The following NACC2 variants were observed in gnomAD, a reference collection of about 807,000 sequenced individuals.
The protein encoded by NACC2 is NACC family member 2.
Under a neutral mutation model 25.1 loss-of-function variants are expected in NACC2, and 8 were observed. The ratio of observed to expected loss-of-function variants is 0.32; its 90% CI spans 0.19 to 0.57. The LOEUF (loss-of-function observed/expected upper bound fraction) is 0.57. Ranked by LOEUF, NACC2 falls within the 20% of genes least tolerant of loss-of-function variation. NACC2 has a pLI of 0.89. For synonymous variants in NACC2, 435 were observed against 294.7 expected (o/e 1.48, Z -4.88); for missense variants, 644 against 650.2 (o/e 0.99, Z 0.10).
chr9:136,087,367 G>T, intron 1 of NACC2, among the ~76,000 whole-genome samples: 1 of 152,304 alleles, frequency 6.6e-6, no homozygotes, highest in South Asian at 2.1e-4. Flanking sequence ...CAGGGTGCTG[G>T]AAAAGCCCCT....
chr9:136,019,964 A>G lies in NACC2; in HGVS notation c.887-3535T>C, dbSNP rs1234540332. Among the ~76,000 whole-genome samples, 1 of 135,008 alleles carries G rather than the reference A, an allele frequency of 7.4e-6. No homozygotes were observed. Among genetic ancestry groups the G allele is most frequent in the Non-Finnish European group, 1.6e-5 (1 of 63,202 alleles). 88.6% of individuals were successfully genotyped at this position (135,008 alleles called of 152,430 possible). On this transcript the variant is annotated intron_variant, in intron 2 of 5. Coordinates refer to ENST00000277554, the MANE Select transcript of NACC2 (RefSeq NM_144653.5). This position sits in a 1 kb window ranked among gnomAD's most constrained non-coding sequence, Gnocchi z 5.2. ...GCCCCCAGAGTCGTCAGGTCCACAG[A>G]GGCGGGAAACAGAGGGTGGGTGCCG...
chr9:136,031,372 C>T (rs1015595920), intron 2 of NACC2, among the ~76,000 whole-genome samples: 1 of 138,714 alleles, frequency 7.2e-6, no homozygotes, highest in African/African-American at 2.5e-5. Context: ...GAGTCTTGCT[C>T]CATCACCCAG....
Position 136,016,318 on chromosome 9 carries a change from T to C in NACC2, c.998A>G (p.His333Arg). The C allele has an allele frequency of 6.2e-7, 1 of 1,612,720 alleles. No individual in the cohort carries two copies. Among genetic ancestry groups the C allele is most frequent in the Non-Finnish European group, 8.5e-7 (1 of 1,179,988 alleles). The change falls in exon 3 of 6, where the codon CAT becomes CGT. Residue 333 changes from histidine to arginine, a missense_variant. His to Arg is a conservative substitution (Grantham distance 29). Coordinates refer to ENST00000277554, the MANE Select transcript of NACC2 (RefSeq NM_144653.5). ...GTCCCCTTCCGAGTAGAGCTTGGGA[T>C]GGCAGCGGTATCCGATCTGGCTGAT... Reference protein sequence around the residue: ...SLISQIGYRCHPKLYSEGDPG... With the variant: ...SLISQIGYRCRPKLYSEGDPG...
At chr9:136,041,632 A>G (rs1490758961) in intron 2 of NACC2, among the ~76,000 whole-genome samples, 1 of 152,186 alleles carries the variant, frequency 6.6e-6, no homozygotes, top group African/African-American at 2.4e-5. Context: ...GCCAAATGCC[A>G]AGGGGTTTCT....
At chr9:136,038,372 CA>C (rs1280035327) in intron 2 of NACC2, among the ~76,000 whole-genome samples, 2 of 151,808 alleles carry the variant, frequency 1.3e-5, no homozygotes. Flanking sequence ...CCTGTCTCTA[CA>C]AAAAAAATCC....
intron 2 of NACC2, among the ~76,000 whole-genome samples, chr9:136,044,452 A>G (rs940722206): frequency 1.3e-5 from 2 of 151,630 alleles, no homozygotes; most frequent in East Asian, 3.9e-4. Context: ...AAGCAGAAGG[A>G]ACCCTTCACC....
chr9:136,082,272 G>A (rs1830332001), intron 1 of NACC2, among the ~76,000 whole-genome samples: 1 of 152,222 alleles, frequency 6.6e-6, no homozygotes, highest in South Asian at 2.1e-4. Flanking sequence ...AGGGGGCGGG[G>A]AGCCTCAGGT....
chr9:136,016,598 G>A (rs1407914258), intron 2 of NACC2, among the ~76,000 whole-genome samples, 169 bp from the exon 3 acceptor site: 2 of 152,178 alleles, frequency 1.3e-5, no homozygotes, highest in African/African-American at 4.8e-5. Context: ...GGGTCAGACT[G>A]GCTTCAGCCT....
At chr9:136,078,347 A>G (rs1830284914) in intron 1 of NACC2, among the ~76,000 whole-genome samples, 1 of 152,218 alleles carries the variant, frequency 6.6e-6, no homozygotes, top group Non-Finnish European at 1.5e-5. Flanking sequence ...GGACAGGCAC[A>G]TCTGGGGGCA....
chr9:136,050,806 C>A (rs973189762), intron 1 of NACC2, among the ~76,000 whole-genome samples: 3 of 152,190 alleles, frequency 2.0e-5, no homozygotes, highest in African/African-American at 7.2e-5. Context: ...GCTGCAGATC[C>A]CCGGGGTGCT....
intron 2 of NACC2, among the ~76,000 whole-genome samples, chr9:136,027,701 T>A (rs1468652216): frequency 6.6e-6 from 1 of 152,048 alleles, no homozygotes; most frequent in Non-Finnish European, 1.5e-5. Context: ...CATGAAAATG[T>A]GTTAGAATTA....
chr9:136,078,999 C>T (rs953626851), intron 1 of NACC2, among the ~76,000 whole-genome samples: 8 of 152,194 alleles, frequency 5.3e-5, no homozygotes, highest in South Asian at 2.1e-4. Context: ...GATTCCCTAA[C>T]GGTTCCCGAG....
intron 1 of NACC2, among the ~76,000 whole-genome samples, chr9:136,068,442 T>C (rs1049130170): frequency 1.4e-5 from 2 of 139,784 alleles, no homozygotes; most frequent in African/African-American, 5.5e-5. Flanking sequence ...GAGGTTGCAG[T>C]GAGCCGAGAT....
Position 136,007,944 on chromosome 9 carries a change from C to A in NACC2, c.*3572G>T, listed in dbSNP as rs192105880. 3 of 152,414 alleles carry A rather than the reference C, an allele frequency of 2.0e-5. No individual in the cohort carries two copies. Among genetic ancestry groups the A allele is most frequent in the Admixed American group, 2.0e-4 (3 of 15,300 alleles). 9.4% of individuals were successfully genotyped at this position (152,414 alleles called of 1,614,324 possible). A position where few individuals can be genotyped will look rare whatever the true frequency, so the allele number is the denominator to read the frequency against. On this transcript the variant is annotated 3_prime_UTR_variant, in exon 6 of 6. Transcript: ENST00000277554. ...ACCAGCCCTCCCTCCCTACCTTCCG[C>A]CTTCCTCCTGGCTCTAAACACAAAT...
rs535462068 is a variant in NACC2 at position 136,019,119 on chromosome 9, G to T, written c.887-2690C>A. 1 of 152,252 alleles carries T rather than the reference G, an allele frequency of 6.6e-6. No homozygotes were observed. The highest frequency in any genetic ancestry group is 6.5e-5 in the Admixed American group (1 of 15,282). The allele number at this position is 152,252 out of a possible 1,614,324, so 9.4% of individuals were successfully genotyped here. A position where few individuals can be genotyped will look rare whatever the true frequency, so the allele number is the denominator to read the frequency against. ...CCCGAGTGGAAGCTCGTCCGCAAAG[G>T]TGCCTCAATGTCTTCACGCAGCCTC... On this transcript the variant is annotated intron_variant, in intron 2 of 5. Transcript: ENST00000277554. This position sits in a 1 kb window ranked among gnomAD's most constrained non-coding sequence, Gnocchi z 5.2.
At position 136,020,178 on chromosome 9, in the gene NACC2, C is replaced by T. The variant is rs543644448; in HGVS notation, c.887-3749G>A. 2.4e-4 allele frequency among the ~76,000 whole-genome samples: 37 copies of T among 152,268 alleles called. No homozygotes were observed. Among genetic ancestry groups the T allele is most frequent in the African/African-American group, 6.5e-4 (27 of 41,560 alleles). ...CACGTCCACTTTACCACAATAACAA[C>T]GCTCAGAAAGAACAAATGAACGAAC... is the stretch of plus-strand genomic sequence containing the variant. On this transcript the variant is annotated intron_variant, in intron 2 of 5. Transcript: ENST00000277554. This position sits in a 1 kb window ranked among gnomAD's most constrained non-coding sequence, Gnocchi z 4.7.
intron 2 of NACC2, among the ~76,000 whole-genome samples, chr9:136,032,344 CT>C (rs1357852070): frequency 2.6e-5 from 4 of 152,010 alleles, no homozygotes; most frequent in Admixed American, 2.6e-4. Context: ...TGTTACAATG[CT>C]TAGAGAAAGC....
intron 1 of NACC2, among the ~76,000 whole-genome samples, chr9:136,057,137 T>C (rs1475814365): frequency 1.3e-5 from 2 of 152,164 alleles, no homozygotes; most frequent in East Asian, 1.9e-4. Flanking sequence ...GCCCGTGGCG[T>C]TGGCTCTGCC....
chr9:136,035,968 G>T (rs1458592603), intron 2 of NACC2, among the ~76,000 whole-genome samples: 1 of 152,160 alleles, frequency 6.6e-6, no homozygotes, highest in Non-Finnish European at 1.5e-5. Context: ...TCCTGAGGGA[G>T]GAAGAAATTT....
Sources: gnomAD v4.1 joint callset for allele counts (sites outside exome capture counted in the v4.1 genomes callset) on GRCh38, gnomAD v4.1.1 for gene constraint, Gnocchi (gnomAD v3.1) non-coding constraint, MANE v1.5 for transcripts, NCBI Gene and HGNC (gene_info 2026-07-23, HGNC 2026-07-21) for gene names.